Variants in C8orf34 observed in about 807,000 individuals in gnomAD.
C8orf34 encodes the protein chromosome 8 open reading frame 34, also known as uncharacterized protein C8orf34.
C8orf34 carries 65 observed loss-of-function variants against 68.3 expected under a neutral mutation model. That is an observed-to-expected ratio of 0.95 (90% CI 0.78 to 1.17). The LOEUF (loss-of-function observed/expected upper bound fraction) is 1.17, where lower values mean the gene tolerates loss of function less well. Ranked by LOEUF, C8orf34 falls within the 50% of genes most tolerant of loss-of-function variation. C8orf34 has a pLI of 0.00. For synonymous variants in C8orf34, 244 were observed against 241.2 expected (o/e 1.01, Z -0.11); for missense variants, 664 against 655.4 (o/e 1.01, Z -0.14).
intron 5 of C8orf34, among the ~76,000 whole-genome samples, chr8:68,489,860 G>T (rs749428065): frequency 6.6e-6 from 1 of 152,090 alleles, no homozygotes; most frequent in Admixed American, 6.6e-5. Flanking sequence ...TGTACCAGAA[G>T]AATGTATTTC....
At chr8:68,697,288 AT>A (rs1820863584) in intron 8 of C8orf34, among the ~76,000 whole-genome samples, 1 of 152,108 alleles carries the variant, frequency 6.6e-6, no homozygotes, top group Non-Finnish European at 1.5e-5. Flanking sequence ...TATTGAGAAT[AT>A]ATTTAAGTTT....
intron 9 of C8orf34, among the ~76,000 whole-genome samples, chr8:68,720,404 T>C (rs1354809224): frequency 6.6e-6 from 1 of 151,920 alleles, no homozygotes; most frequent in African/African-American, 2.4e-5. Flanking sequence ...CAGTGGCCAT[T>C]AAGGGTTTGA....
chr8:68,390,656 G>T (rs1417103628), intron 1 of C8orf34, among the ~76,000 whole-genome samples: 1 of 152,112 alleles, frequency 6.6e-6, no homozygotes, highest in Non-Finnish European at 1.5e-5. Context: ...TGGAACACAG[G>T]GGATCTGACT....
At chr8:68,592,677 C>T (rs1172337109) in intron 7 of C8orf34, among the ~76,000 whole-genome samples, 1 of 141,872 alleles carries the variant, frequency 7.0e-6, no homozygotes, top group African/African-American at 2.7e-5. Context: ...GGCGTGATCT[C>T]GGTTCACTGC....
At chr8:68,557,474 A>G (rs1433345360) in intron 7 of C8orf34, among the ~76,000 whole-genome samples, 1 of 152,216 alleles carries the variant, frequency 6.6e-6, no homozygotes, top group Non-Finnish European at 1.5e-5. Context: ...TAATGAGGCT[A>G]CTTATCCCAG....
intron 10 of C8orf34, among the ~76,000 whole-genome samples, chr8:68,739,627 G>A (rs959632856): frequency 2.6e-5 from 4 of 152,136 alleles, no homozygotes; most frequent in Admixed American, 2.6e-4. Context: ...CAAGCTCATA[G>A]ATAGGAAGAA....
At chr8:68,547,927 C>T (rs755355578) in intron 7 of C8orf34, among the ~76,000 whole-genome samples, 4 of 151,686 alleles carry the variant, frequency 2.6e-5, no homozygotes, top group Non-Finnish European at 5.9e-5. Flanking sequence ...TTTAACAAAG[C>T]CACCAAGGCA....
chr8:68,354,844 T>C (rs1806679699), intron 1 of C8orf34, among the ~76,000 whole-genome samples: 1 of 152,086 alleles, frequency 6.6e-6, no homozygotes, highest in African/African-American at 2.4e-5. Flanking sequence ...TCATTGTGCA[T>C]CTGTGCAATA....
At chr8:68,787,855 A>G (rs540310230) in intron 12 of C8orf34, among the ~76,000 whole-genome samples, 4 of 152,314 alleles carry the variant, frequency 2.6e-5, no homozygotes, top group Non-Finnish European at 5.9e-5. Context: ...ATTTATAATT[A>G]TTTTCAAAAT....
chr8:68,767,367 A>G (rs190111504), intron 10 of C8orf34, among the ~76,000 whole-genome samples: 2 of 152,262 alleles, frequency 1.3e-5, no homozygotes, highest in Non-Finnish European at 2.9e-5. Flanking sequence ...TTGTCCCCCA[A>G]AGTTAACCTT....
At chr8:68,406,535 C>T (rs924547457) in intron 1 of C8orf34, among the ~76,000 whole-genome samples, 10 of 152,032 alleles carry the variant, frequency 6.6e-5, no homozygotes, top group Non-Finnish European at 1.0e-4. Context: ...CTTGCTCTGT[C>T]ACCCAGGCTA....
intron 7 of C8orf34, among the ~76,000 whole-genome samples, chr8:68,626,960 T>G (rs796548835): frequency 1.3e-4 from 20 of 148,368 alleles, no homozygotes; most frequent in African/African-American, 4.7e-4. Context: ...TATATAAGAT[T>G]TTTTTATCCA....
In C8orf34 at chr8:68,379,669, G is replaced by A. The variant is rs147943176; in HGVS notation, c.327+48330G>A. Among the ~76,000 whole-genome samples, 610 of 152,176 alleles carry A rather than the reference G, an allele frequency of 4.0e-3. 1 individual carries two copies. The highest frequency in any genetic ancestry group is 0.014 in the African/African-American group (579 of 41,520). Reference sequence around the variant, plus strand: ...TATCTCATTCCTACAACAAGTCACTGATTCCTATTCAAACAAGCAAACGTG... The same window carrying A: ...TATCTCATTCCTACAACAAGTCACTAATTCCTATTCAAACAAGCAAACGTG... On this transcript the variant is annotated intron_variant, in intron 1 of 13. Transcript: ENST00000518698.
chr8:68,691,192 G>T (rs1312278111), intron 8 of C8orf34, among the ~76,000 whole-genome samples: 1 of 152,018 alleles, frequency 6.6e-6, no homozygotes, highest in African/African-American at 2.4e-5. Context: ...TGAAGATACT[G>T]CATTGTTTGC....
At chr8:68,728,433 T>TGGGAAG (rs1821893013) in intron 10 of C8orf34, among the ~76,000 whole-genome samples, 1 of 152,180 alleles carries the variant, frequency 6.6e-6, no homozygotes, top group Non-Finnish European at 1.5e-5. Flanking sequence ...GCTACCCAGT[T>TGGGAAG]CCAAAGTCGC....
rs186254296 is a variant in C8orf34 at position 68,556,771 on chromosome 8, G to T, written c.1105+23622G>T. 6.6e-5 allele frequency among the ~76,000 whole-genome samples: 10 copies of T among 152,318 alleles called. No individual in the cohort carries two copies. In the East Asian group the frequency reaches 1.9e-3, roughly 29 times the overall value. ...TCTTGTGGATTTTAAAACATTGGTA[G>T]TAATGTAGGTTGTAGGTATGATAGA... is the stretch of plus-strand genomic sequence containing the variant. On this transcript the variant is annotated intron_variant, in intron 7 of 13. Transcript: ENST00000518698.
intron 6 of C8orf34, chr8:68,530,608 A>G (rs1815203204): frequency 4.8e-6 from 6 of 1,262,246 alleles, no homozygotes; most frequent in Non-Finnish European, 6.2e-6. Flanking sequence ...AAGACACGTA[A>G]TGCAATGATG....
intron 1 of C8orf34, among the ~76,000 whole-genome samples, chr8:68,423,955 C>T (rs554510887): frequency 3.0e-4 from 45 of 152,206 alleles, no homozygotes; most frequent in African/African-American, 9.6e-4. Context: ...GAGGAAACTG[C>T]CCCCATGATC....
At chr8:68,664,770 C>G (rs1819788585) in intron 8 of C8orf34, among the ~76,000 whole-genome samples, 1 of 152,098 alleles carries the variant, frequency 6.6e-6, no homozygotes, top group Admixed American at 6.5e-5. Context: ...GCAAGTCTGG[C>G]TGCATTCATG....
Sources: gnomAD v4.1 joint callset for allele counts (sites outside exome capture counted in the v4.1 genomes callset) on GRCh38, gnomAD v4.1.1 for gene constraint, MANE v1.5 for transcripts, NCBI Gene and HGNC (gene_info 2026-07-23, HGNC 2026-07-21) for gene names.